CRADD: variants seen among roughly 807,000 people sequenced by gnomAD.
CRADD encodes death domain-containing protein CRADD.
CRADD carries 9 observed loss-of-function variants against 15.5 expected under a neutral mutation model. The ratio of observed to expected loss-of-function variants is 0.58; its 90% CI spans 0.35 to 1.01. CRADD has a LOEUF of 1.01. Ranked by LOEUF, CRADD falls within the 50% of genes least tolerant of loss-of-function variation. CRADD has a pLI of 0.02. For synonymous variants in CRADD, 118 were observed against 107.6 expected (o/e 1.10, Z -0.60); for missense variants, 227 against 250.3 (o/e 0.91, Z 0.63).
chr12:93,886,264 G>C (rs115255610), intron 2 of CRADD, among the ~76,000 whole-genome samples: 1 of 148,736 alleles, frequency 6.7e-6, no homozygotes, highest in African/African-American at 2.5e-5. Flanking sequence ...TCCTGGGCTC[G>C]ATCCTCCCAC....
chr12:93,881,312 G>A (rs937679365), intron 2 of CRADD, among the ~76,000 whole-genome samples: 2 of 151,972 alleles, frequency 1.3e-5, no homozygotes, highest in African/African-American at 4.8e-5. Context: ...TGTTTGTTTG[G>A]CAGCAGCAGT....
chr12:93,842,952 T>G (rs1958066808), intron 2 of CRADD, among the ~76,000 whole-genome samples: 1 of 152,146 alleles, frequency 6.6e-6, no homozygotes, highest in Admixed American at 6.6e-5. Context: ...ATTAAAAGAT[T>G]GCATGAAAAA....
rs183685409 is a variant in CRADD at position 93,798,174 on chromosome 12, G to A, written c.299-51796G>A. Among the ~76,000 whole-genome samples, 134 of 137,960 alleles carry A rather than the reference G, an allele frequency of 9.7e-4. 1 individual carries two copies. Among genetic ancestry groups the A allele is most frequent in the African/African-American group, 3.5e-3 (129 of 36,732 alleles). 90.5% of individuals were successfully genotyped at this position (137,960 alleles called of 152,430 possible). A position where few individuals can be genotyped will look rare whatever the true frequency, so the allele number is the denominator to read the frequency against. On this transcript the variant is annotated intron_variant, in intron 2 of 2. Transcript: ENST00000332896. ...ACCCTTGGAACATGATTTATAATTC[G>A]TGGGATGACTTTTTCTTTTTTCCCA...
At chr12:93,852,703 G>T (rs924941206), downstream of CRADD, among the ~76,000 whole-genome samples, 54 of 152,210 alleles carry the variant, frequency 3.5e-4, no homozygotes, top group African/African-American at 1.3e-3. Context: ...TTGTATGGGA[G>T]AAGATTCTAC....
At chr12:93,691,202 C>T (rs969149071) in intron 2 of CRADD, among the ~76,000 whole-genome samples, 1 of 151,828 alleles carries the variant, frequency 6.6e-6, no homozygotes, top group African/African-American at 2.4e-5. Context: ...AGACAGAAAC[C>T]ACACAGTAAT....
intron 2 of CRADD, among the ~76,000 whole-genome samples, chr12:93,866,086 C>T (rs1489449985): frequency 2.0e-5 from 3 of 152,042 alleles, no homozygotes; most frequent in African/African-American, 7.2e-5. Context: ...TCTTTGATTC[C>T]AATGTTCTTA....
At chr12:93,800,523 G>C (rs1483644865) in intron 2 of CRADD, among the ~76,000 whole-genome samples, 1 of 152,088 alleles carries the variant, frequency 6.6e-6, no homozygotes, top group Non-Finnish European at 1.5e-5. Flanking sequence ...TGTTGTTCTT[G>C]TGATAATGAG....
intron 2 of CRADD, among the ~76,000 whole-genome samples, chr12:93,834,294 A>C (rs1008708570): frequency 1.3e-5 from 2 of 152,204 alleles, no homozygotes; most frequent in Non-Finnish European, 2.9e-5. Flanking sequence ...CATGATAAAT[A>C]AGGTCATTAA....
intron 2 of CRADD, among the ~76,000 whole-genome samples, chr12:93,752,170 C>A (rs140806366): frequency 1.3e-5 from 2 of 152,322 alleles, no homozygotes; most frequent in African/African-American, 4.8e-5. Context: ...ACCTCATTCC[C>A]CAGTGGAGGG....
At chr12:93,716,379 G>A (rs1194308730) in intron 2 of CRADD, among the ~76,000 whole-genome samples, 3 of 152,062 alleles carry the variant, frequency 2.0e-5, no homozygotes, top group East Asian at 1.9e-4. Context: ...TTGACACATC[G>A]TTATTACCCA....
At chr12:93,891,549 G>A (rs1958576299) in intron 2 of CRADD, among the ~76,000 whole-genome samples, 1 of 152,198 alleles carries the variant, frequency 6.6e-6, no homozygotes, top group South Asian at 2.1e-4. Flanking sequence ...TTTACTCTGG[G>A]ATGGGGACTG....
At chr12:93,717,420 G>A (rs185445168) in intron 2 of CRADD, among the ~76,000 whole-genome samples, 1 of 152,148 alleles carries the variant, frequency 6.6e-6, no homozygotes, top group Admixed American at 6.5e-5. Flanking sequence ...TCTGCCTTTG[G>A]TGTTATACCT....
intron 2 of CRADD, among the ~76,000 whole-genome samples, chr12:93,833,742 C>T (rs1236064497): frequency 7.8e-6 from 1 of 128,666 alleles, no homozygotes. Context: ...TTTGAACAAA[C>T]ATTTTTTCAC....
intron 2 of CRADD, among the ~76,000 whole-genome samples, chr12:93,721,369 A>G (rs1429547195): frequency 1.3e-5 from 2 of 152,128 alleles, no homozygotes; most frequent in Non-Finnish European, 2.9e-5. Flanking sequence ...AAATATTCCT[A>G]ATTTCTCCCT....
intron 2 of CRADD, among the ~76,000 whole-genome samples, chr12:93,729,862 T>TG (rs1400776946): frequency 6.6e-6 from 1 of 151,842 alleles, no homozygotes; most frequent in Non-Finnish European, 1.5e-5. Flanking sequence ...CTAATGTCAA[T>TG]GTGGAGAAAA....
intron 2 of CRADD, among the ~76,000 whole-genome samples, chr12:93,703,109 AG>A (rs1285824427): frequency 3.3e-5 from 5 of 152,128 alleles, no homozygotes; most frequent in African/African-American, 1.2e-4. Context: ...TGTGTTCTTG[AG>A]TGTGGAAGAA....
At chr12:93,823,120 A>G (rs1402414137) in intron 2 of CRADD, among the ~76,000 whole-genome samples, 1 of 152,152 alleles carries the variant, frequency 6.6e-6, no homozygotes, top group Non-Finnish European at 1.5e-5. Context: ...TGGTGAAACC[A>G]TGTCTCTACT....
intron 2 of CRADD, among the ~76,000 whole-genome samples, chr12:93,861,013 A>G (rs563593700): frequency 2.0e-5 from 3 of 152,302 alleles, no homozygotes; most frequent in Non-Finnish European, 4.4e-5. Context: ...TTAAAGCTCA[A>G]ATAAACTCAT....
chr12:93,693,450 A>G (rs1955622359), intron 2 of CRADD, among the ~76,000 whole-genome samples: 1 of 152,080 alleles, frequency 6.6e-6, no homozygotes, highest in Non-Finnish European at 1.5e-5. Flanking sequence ...GGCTATACTT[A>G]TGTCAGACCA....
Sources: allele counts gnomAD v4.1 joint callset (sites outside exome capture counted in the v4.1 genomes callset), GRCh38; gene constraint gnomAD v4.1.1; transcripts MANE v1.5; gene names NCBI Gene and HGNC (gene_info 2026-07-23, HGNC 2026-07-21).